The following EFR3B variants were observed in gnomAD, a reference collection of about 807,000 sequenced individuals.
EFR3B encodes the protein protein EFR3 homolog B.
A neutral mutation model predicts 104.7 loss-of-function variants in EFR3B; 64 were observed. The ratio of observed to expected loss-of-function variants is 0.61; its 90% CI spans 0.50 to 0.75. The LOEUF (loss-of-function observed/expected upper bound fraction) is 0.75, where lower values mean the gene tolerates loss of function less well. EFR3B is among the 30% of genes least tolerant of loss of function. EFR3B has a pLI of 0.00. For synonymous variants in EFR3B, 385 were observed against 417.9 expected (o/e 0.92, Z 0.96); for missense variants, 750 against 1,078.5 (o/e 0.70, Z 4.27).
At chr2:25,065,722 G>A (rs775697603) in intron 1 of EFR3B, among the ~76,000 whole-genome samples, 2 of 152,014 alleles carry the variant, frequency 1.3e-5, no homozygotes, top group African/African-American at 4.8e-5. Context: ...TTTTCTTCTG[G>A]AAATTCACCT....
rs570754387 is a variant in EFR3B, at chr2:25,071,353, T to A, written c.8-19972T>A. ...TTGGCTCACTGCAATGTCTGCCTCCTGGGTTCAAGCGATTCTCCTGCCTCG... is the reference window on the plus strand; with the variant it reads ...TTGGCTCACTGCAATGTCTGCCTCCAGGGTTCAAGCGATTCTCCTGCCTCG... On this transcript the variant is annotated intron_variant, in intron 1 of 22. Coordinates refer to ENST00000403714, the MANE Select transcript of EFR3B (RefSeq NM_014971.2). 3.3e-5 allele frequency among the ~76,000 whole-genome samples: 5 copies of A among 151,050 alleles called. No individual in the cohort carries two copies. In the South Asian group the frequency reaches 8.5e-4, roughly 26 times the overall value.
In EFR3B at chr2:25,056,854, T is replaced by C. The variant is rs140474224; in HGVS notation, c.7+14535T>C. On this transcript the variant is annotated intron_variant, in intron 1 of 22. Coordinates refer to ENST00000403714, the MANE Select transcript of EFR3B (RefSeq NM_014971.2). ...GTGGCACTGGGAGGCACCAGCACTGTCCTTCTATTTTATCAAGGACATTTC... is the reference window on the plus strand; with the variant it reads ...GTGGCACTGGGAGGCACCAGCACTGCCCTTCTATTTTATCAAGGACATTTC... 1.1e-3 allele frequency among the ~76,000 whole-genome samples: 171 copies of C among 152,280 alleles called. 1 individual carries two copies. The highest frequency in any genetic ancestry group is 4.0e-3 in the African/African-American group (167 of 41,560).
chr2:25,042,393 C>T lies in EFR3B; in HGVS notation c.7+74C>T. ...AAACTTCCCCGGCGCGGACCATTGT[C>T]CCCCTGCACGGCCCTGGCGCGGGGC... is the stretch of plus-strand genomic sequence containing the variant. On this transcript the variant is annotated intron_variant, in intron 1 of 22. Coordinates refer to ENST00000403714, the MANE Select transcript of EFR3B (RefSeq NM_014971.2). This position sits in a 1 kb window ranked among gnomAD's most constrained non-coding sequence, Gnocchi z 5.4. 8.1e-7 allele frequency: 1 copy of T among 1,230,264 alleles called. No individual in the cohort carries two copies. The highest frequency in any genetic ancestry group is 3.2e-5 in the East Asian group (1 of 31,020). 76.2% of individuals were successfully genotyped at this position (1,230,264 alleles called of 1,614,324 possible).
intron 1 of EFR3B, among the ~76,000 whole-genome samples, chr2:25,050,142 A>AG (rs1169519917): frequency 4.6e-5 from 7 of 151,932 alleles, no homozygotes; most frequent in Non-Finnish European, 4.4e-5. Flanking sequence ...AAAAAAAAAA[A>AG]ATAGATAAGG....
intron 4 of EFR3B, among the ~76,000 whole-genome samples, chr2:25,112,821 T>G (rs1480042852): frequency 6.6e-6 from 1 of 152,204 alleles, no homozygotes; most frequent in African/African-American, 2.4e-5. Context: ...TTGGGTTTTA[T>G]GTATGCCCAG....
intron 12 of EFR3B, 122 bp downstream of exon 12, chr2:25,133,556 G>A (rs576623006): frequency 2.5e-5 from 26 of 1,055,004 alleles, no homozygotes; most frequent in Admixed American, 6.0e-5. Context: ...ACACCCAGTC[G>A]GTTGAGTCGG....
At chr2:25,126,579 CA>C (rs1381363230) in intron 5 of EFR3B, among the ~76,000 whole-genome samples, 1 of 151,984 alleles carries the variant, frequency 6.6e-6, no homozygotes, top group Non-Finnish European at 1.5e-5. Context: ...AGGCTGTTCT[CA>C]AACTCCTGAC....
chr2:25,139,237 T>A (rs1381650344), intron 16 of EFR3B, 47 bp downstream of exon 16: 1 of 1,535,098 alleles, frequency 6.5e-7, no homozygotes, highest in Non-Finnish European at 8.8e-7. Context: ...CAACTTGGGG[T>A]TTCCTGGGAA....
At chr2:25,054,984 T>C (rs775062609) in intron 1 of EFR3B, among the ~76,000 whole-genome samples, 50 of 152,258 alleles carry the variant, frequency 3.3e-4, no homozygotes, top group Non-Finnish European at 5.4e-4. Flanking sequence ...CCTTATGCAA[T>C]TCTAAATTCG....
At chr2:25,049,023 A>G (rs1260632129) in intron 1 of EFR3B, among the ~76,000 whole-genome samples, 1 of 152,160 alleles carries the variant, frequency 6.6e-6, no homozygotes, top group East Asian at 1.9e-4. Flanking sequence ...TTTTCCCTCG[A>G]CTGTAGCCCT....
At chr2:25,082,048 C>T (rs991111946) in intron 1 of EFR3B, among the ~76,000 whole-genome samples, 6 of 152,194 alleles carry the variant, frequency 3.9e-5, no homozygotes, top group African/African-American at 1.4e-4. Flanking sequence ...GCCTAGGGGT[C>T]ACAGGGACGC....
At chr2:25,072,548 C>T (rs374934910) in intron 1 of EFR3B, among the ~76,000 whole-genome samples, 5 of 152,184 alleles carry the variant, frequency 3.3e-5, no homozygotes, top group African/African-American at 9.7e-5. Flanking sequence ...TCCCAAAGTG[C>T]TAGGATTACA....
At chr2:25,126,336 G>A (rs1470334443) in intron 5 of EFR3B, among the ~76,000 whole-genome samples, 5 of 151,464 alleles carry the variant, frequency 3.3e-5, no homozygotes, top group African/African-American at 4.9e-5. Flanking sequence ...CTACAGGTGC[G>A]CACCACCATA....
intron 6 of EFR3B, among the ~76,000 whole-genome samples, chr2:25,128,694 C>T (rs1156482008): frequency 6.6e-6 from 1 of 152,054 alleles, no homozygotes; most frequent in Non-Finnish European, 1.5e-5. Flanking sequence ...CGCGGTGGCT[C>T]ACGCCTGTAA....
At chr2:25,081,584 C>A in intron 1 of EFR3B, 1 of 862,910 alleles carries the variant, frequency 1.2e-6, no homozygotes, top group South Asian at 1.3e-5. Context: ...TTCAACAATC[C>A]ATAACTTCCT....
intron 1 of EFR3B, among the ~76,000 whole-genome samples, chr2:25,043,372 G>T (rs1384260754): frequency 6.6e-6 from 1 of 152,234 alleles, no homozygotes; most frequent in African/African-American, 2.4e-5. Context: ...CACTGAGGCT[G>T]CTCGGCTGCT....
chr2:25,101,896 TCAAAA>T (rs1208496978), intron 3 of EFR3B, among the ~76,000 whole-genome samples: 2 of 152,330 alleles, frequency 1.3e-5, no homozygotes, highest in South Asian at 2.1e-4. Context: ...TGTTAGAAGT[TCAAAA>T]CAAAACAAAA....
chr2:25,082,350 G>C (rs1327993496), intron 1 of EFR3B, among the ~76,000 whole-genome samples: 1 of 152,208 alleles, frequency 6.6e-6, no homozygotes, highest in African/African-American at 2.4e-5. Flanking sequence ...CAGACAGGAG[G>C]AACTCTGACC....
intron 1 of EFR3B, among the ~76,000 whole-genome samples, chr2:25,070,420 C>A (rs1668462714): frequency 6.6e-6 from 1 of 152,146 alleles, no homozygotes; most frequent in Non-Finnish European, 1.5e-5. Flanking sequence ...TGCCACCACG[C>A]CCGGCTAATA....
Sources: gnomAD v4.1 joint callset for allele counts (sites outside exome capture counted in the v4.1 genomes callset) on GRCh38, gnomAD v4.1.1 for gene constraint, Gnocchi (gnomAD v3.1) non-coding constraint, MANE v1.5 for transcripts, NCBI Gene and HGNC (gene_info 2026-07-23, HGNC 2026-07-21) for gene names.